THSD7B: variants seen among roughly 807,000 people sequenced by gnomAD.
The protein encoded by THSD7B is thrombospondin type-1 domain-containing protein 7B.
THSD7B carries 138 observed loss-of-function variants against 213.6 expected under a neutral mutation model. The observed-to-expected ratio is 0.65, with a 90% confidence interval of 0.56 to 0.74. The LOEUF (loss-of-function observed/expected upper bound fraction) is 0.74, where lower values mean the gene tolerates loss of function less well. THSD7B is among the 30% of genes least tolerant of loss of function. The pLI is 0.00. For missense variants in THSD7B, 1,931 were observed against 1,991.5 expected, an observed-to-expected ratio of 0.97 and a Z score of 0.58; for synonymous variants, 742 against 687.0, an observed-to-expected ratio of 1.08 and a Z score of -1.25.
intron 3 of THSD7B, among the ~76,000 whole-genome samples, chr2:137,067,040 C>A (rs35295064): frequency 0.094 from 14,261 of 152,032 alleles, 897 homozygotes; most frequent in African/African-American, 0.18. Context: ...TCTTTTGATT[C>A]TTTGTTAGGG....
intron 2 of THSD7B, among the ~76,000 whole-genome samples, chr2:136,919,841 G>A (rs1046621427): frequency 3.3e-5 from 5 of 152,190 alleles, no homozygotes; most frequent in African/African-American, 1.2e-4. Context: ...TGGGCATGCC[G>A]GCTGTGGCAG....
chr2:137,143,804 A>G (rs1472424432), intron 5 of THSD7B, among the ~76,000 whole-genome samples: 1 of 152,100 alleles, frequency 6.6e-6, no homozygotes, highest in Non-Finnish European at 1.5e-5. Context: ...CTCAGACCAC[A>G]AGAATCTGTT....
intron 12 of THSD7B, among the ~76,000 whole-genome samples, chr2:137,290,993 T>C (rs1573938128): frequency 6.6e-6 from 1 of 152,158 alleles, no homozygotes; most frequent in East Asian, 1.9e-4. Context: ...ACTCACCTGA[T>C]TATCTCAATC....
intron 2 of THSD7B, among the ~76,000 whole-genome samples, chr2:136,899,806 G>A (rs1044134448): frequency 1.3e-5 from 2 of 152,140 alleles, no homozygotes; most frequent in South Asian, 2.1e-4. Context: ...ATCAATAATT[G>A]CATAATTCAA....
At chr2:137,131,637 A>G (rs1335678184) in intron 5 of THSD7B, among the ~76,000 whole-genome samples, 2 of 152,204 alleles carry the variant, frequency 1.3e-5, no homozygotes, top group African/African-American at 2.4e-5. Context: ...TAAATAGGGA[A>G]TCCTTTCCCC....
intron 5 of THSD7B, among the ~76,000 whole-genome samples, chr2:137,158,810 C>T (rs1057432635): frequency 9.2e-5 from 14 of 152,146 alleles, no homozygotes; most frequent in African/African-American, 3.1e-4. Context: ...ACTCACTCCT[C>T]TTACTGCAGT....
chr2:137,323,604 C>T (rs189698935), intron 12 of THSD7B, among the ~76,000 whole-genome samples: 11 of 152,260 alleles, frequency 7.2e-5, no homozygotes, highest in Admixed American at 7.2e-4. Context: ...TCTTCTTTGA[C>T]ACTTATTAGC....
intron 3 of THSD7B, among the ~76,000 whole-genome samples, chr2:137,060,597 A>C (rs962654476): frequency 6.6e-6 from 1 of 151,988 alleles, no homozygotes; most frequent in African/African-American, 2.4e-5. Flanking sequence ...CAGTTGTTCC[A>C]GCACCATTTA....
chr2:137,638,570 A>C (rs181622366), intron 20 of THSD7B, among the ~76,000 whole-genome samples: 102 of 152,336 alleles, frequency 6.7e-4, no homozygotes, highest in Admixed American at 6.3e-3. Flanking sequence ...CTGAAAAGAT[A>C]CCTGAAAATG....
chr2:136,773,291 T>C (rs1246258440), intron 1 of THSD7B, among the ~76,000 whole-genome samples: 1 of 152,232 alleles, frequency 6.6e-6, no homozygotes, highest in East Asian at 1.9e-4. Context: ...GTTGATTGTA[T>C]TATTATTATT....
intron 15 of THSD7B, among the ~76,000 whole-genome samples, chr2:137,484,170 C>G (rs1688372954): frequency 7.7e-6 from 1 of 129,394 alleles, no homozygotes. Context: ...TCCCTCCCCC[C>G]TCCCCCCACC....
chr2:137,643,931 C>T (rs1410858917), intron 21 of THSD7B, among the ~76,000 whole-genome samples: 1 of 152,156 alleles, frequency 6.6e-6, no homozygotes, highest in Non-Finnish European at 1.5e-5. Flanking sequence ...GAATCTATAT[C>T]TTTGATAGGC....
intron 6 of THSD7B, among the ~76,000 whole-genome samples, chr2:137,163,466 T>C (rs1021550388): frequency 1.3e-5 from 2 of 152,048 alleles, no homozygotes; most frequent in African/African-American, 4.8e-5. Context: ...TGTGAGGACA[T>C]TGAGACACAG....
At chr2:137,491,098 A>C (rs1212636595) in intron 15 of THSD7B, among the ~76,000 whole-genome samples, 1 of 152,242 alleles carries the variant, frequency 6.6e-6, no homozygotes, top group African/African-American at 2.4e-5. Context: ...CATTGACCCA[A>C]GGGTGAGTAA....
intron 2 of THSD7B, among the ~76,000 whole-genome samples, chr2:136,931,864 G>C (rs556578391): frequency 6.6e-6 from 1 of 152,258 alleles, no homozygotes; most frequent in Non-Finnish European, 1.5e-5. Flanking sequence ...GGTTTTAATA[G>C]ATGGAGAAAA....
intron 12 of THSD7B, among the ~76,000 whole-genome samples, chr2:137,349,566 G>A (rs1684962595): frequency 6.6e-6 from 1 of 151,722 alleles, no homozygotes; most frequent in South Asian, 2.1e-4. Flanking sequence ...ATGCCAGGAG[G>A]GCAAAGCTGT....
At chr2:137,239,047 A>G (rs996031987) in intron 9 of THSD7B, among the ~76,000 whole-genome samples, 2 of 152,182 alleles carry the variant, frequency 1.3e-5, no homozygotes, top group African/African-American at 4.8e-5. Flanking sequence ...TTTATTGTAT[A>G]AGTAAAATAA....
chr2:137,280,107 T>C (rs139639150), intron 12 of THSD7B, among the ~76,000 whole-genome samples: 1 of 152,292 alleles, frequency 6.6e-6, no homozygotes, highest in Admixed American at 6.5e-5. Context: ...CCCTAAACAC[T>C]AAGGGTGAGT....
intron 12 of THSD7B, among the ~76,000 whole-genome samples, chr2:137,314,823 G>A (rs1261663141): frequency 6.6e-6 from 1 of 152,222 alleles, no homozygotes; most frequent in Non-Finnish European, 1.5e-5. Flanking sequence ...CTGCTCGGGG[G>A]TCAGGGGTCA....
Sources: allele counts gnomAD v4.1 joint callset (sites outside exome capture counted in the v4.1 genomes callset), GRCh38; gene constraint gnomAD v4.1.1; transcripts MANE v1.5; gene names NCBI Gene and HGNC (gene_info 2026-07-23, HGNC 2026-07-21).